The following BRINP3 variants were observed in gnomAD, a reference collection of about 807,000 sequenced individuals.
BRINP3 encodes the protein BMP/retinoic acid inducible neural specific 3, also known as BMP/retinoic acid-inducible neural-specific protein 3.
BRINP3 carries 19 observed loss-of-function variants against 71.0 expected under a neutral mutation model. The ratio of observed to expected loss-of-function variants is 0.27; its 90% CI spans 0.19 to 0.39. BRINP3 has a LOEUF of 0.39. Ranked by LOEUF, BRINP3 falls within the 10% of genes least tolerant of loss-of-function variation. BRINP3 has a pLI of 1.00. For synonymous variants in BRINP3, 380 were observed against 337.7 expected, an observed-to-expected ratio of 1.13 and a Z score of -1.37; for missense variants, 959 against 940.8, an observed-to-expected ratio of 1.02 and a Z score of -0.25.
chr1:190,461,260 C>T (rs574506437), intron 1 of BRINP3, among the ~76,000 whole-genome samples: 6 of 152,274 alleles, frequency 3.9e-5, no homozygotes, highest in Admixed American at 6.5e-5. Context: ...CCATAGACCT[C>T]ATCTTCACCC....
intron 2 of BRINP3, among the ~76,000 whole-genome samples, chr1:190,453,203 ATTTTTTTTTTTT>A (rs1190785225): frequency 3.8e-3 from 155 of 40,906 alleles, no homozygotes; most frequent in East Asian, 0.028. Flanking sequence ...AAACTTTAGT[ATTTTTTTTTTTT>A]TTTTTTTTTT....
intron 6 of BRINP3, among the ~76,000 whole-genome samples, chr1:190,219,477 G>GT (rs1476140463): frequency 6.6e-6 from 1 of 151,970 alleles, no homozygotes; most frequent in Admixed American, 6.6e-5. Flanking sequence ...CAATTCATTA[G>GT]AGGTCTCAAC....
At chr1:190,348,318 G>A (rs1486035161) in intron 2 of BRINP3, among the ~76,000 whole-genome samples, 1 of 152,090 alleles carries the variant, frequency 6.6e-6, no homozygotes, top group Non-Finnish European at 1.5e-5. Flanking sequence ...TCTGCAAATT[G>A]AGTGGAGTGC....
chr1:190,417,391 C>T lies in BRINP3; in HGVS notation c.236+37264G>A, dbSNP rs1195732117. Among the ~76,000 whole-genome samples, 2 of 152,004 alleles carry T rather than the reference C, an allele frequency of 1.3e-5. 1 individual carries two copies. Among genetic ancestry groups the T allele is most frequent in the South Asian group, 4.1e-4 (2 of 4,832 alleles). On this transcript the variant is annotated intron_variant, in intron 2 of 7. Coordinates refer to ENST00000367462, the MANE Select transcript of BRINP3 (RefSeq NM_199051.3). ...TTTACAGTAAATATTTGGCAGAATT[C>T]TTCTTGTATCGATCAATACAATATA... is the stretch of plus-strand genomic sequence containing the variant.
chr1:190,301,178 T>C (rs1312588734), intron 2 of BRINP3, among the ~76,000 whole-genome samples: 4 of 41,460 alleles, frequency 9.6e-5, no homozygotes, highest in African/African-American at 2.3e-4. Context: ...TATATATACA[T>C]ATATATATGT....
At chr1:190,467,922 C>A (rs1235593611) in intron 1 of BRINP3, among the ~76,000 whole-genome samples, 1 of 151,348 alleles carries the variant, frequency 6.6e-6, no homozygotes, top group Non-Finnish European at 1.5e-5. Flanking sequence ...TGAGACATTA[C>A]GATATCTGAC....
At chr1:190,166,290 C>G (rs1340194796) in intron 6 of BRINP3, among the ~76,000 whole-genome samples, 2 of 152,152 alleles carry the variant, frequency 1.3e-5, no homozygotes, top group African/African-American at 4.8e-5. Context: ...TCCTTAGTAG[C>G]TGCCAGAAAT....
intron 5 of BRINP3, among the ~76,000 whole-genome samples, chr1:190,229,012 C>A (rs1369707755): frequency 6.6e-6 from 1 of 151,912 alleles, no homozygotes; most frequent in East Asian, 1.9e-4. Flanking sequence ...GTTTTCAACC[C>A]ACCTTCTCAT....
intron 7 of BRINP3, among the ~76,000 whole-genome samples, chr1:190,124,736 G>A (rs894751577): frequency 6.6e-6 from 1 of 152,182 alleles, no homozygotes; most frequent in African/African-American, 2.4e-5. Context: ...AAGGGGCAGA[G>A]ATGTGCAAAA....
chr1:190,345,084 G>A (rs1189726185), intron 2 of BRINP3, among the ~76,000 whole-genome samples: 5 of 151,946 alleles, frequency 3.3e-5, no homozygotes, highest in African/African-American at 1.2e-4. Context: ...AACCTGCCAA[G>A]TAGTTTAGTC....
At chr1:190,202,967 C>T (rs1655139700) in intron 6 of BRINP3, among the ~76,000 whole-genome samples, 1 of 152,040 alleles carries the variant, frequency 6.6e-6, no homozygotes, top group Non-Finnish European at 1.5e-5. Context: ...AATGCATGAA[C>T]AGATCCCCTA....
intron 6 of BRINP3, among the ~76,000 whole-genome samples, chr1:190,197,530 C>T (rs1187624998): frequency 1.3e-5 from 2 of 152,116 alleles, no homozygotes; most frequent in African/African-American, 4.8e-5. Context: ...ACAGCCATTC[C>T]AAATCGGGGA....
At chr1:190,350,420 G>A (rs1261334836) in intron 2 of BRINP3, among the ~76,000 whole-genome samples, 1 of 151,996 alleles carries the variant, frequency 6.6e-6, no homozygotes, top group African/African-American at 2.4e-5. Context: ...TTGATGCTTG[G>A]AATAATATTA....
Position 190,160,722 on chromosome 1 carries a change from A to T in BRINP3, c.1130T>A (p.Phe377Tyr), listed in dbSNP as rs756882345. ...TTTATGACACCTCTTGCTAAGGCTA[A>T]AAAGCTTGTGTACAATTTTCTGCGC... ...LKAQKIVHKL[F>Y]SLSKRCHKQP... is the part of the protein sequence containing the mutation. The change falls in exon 7 of 8, where the codon TTT (phenylalanine) becomes TAT (tyrosine). Residue 377 changes from phenylalanine (F) to tyrosine (Y), a missense_variant. Coordinates refer to ENST00000367462, the MANE Select transcript of BRINP3 (RefSeq NM_199051.3). 221 of 1,613,470 alleles carry T rather than the reference A, an allele frequency of 1.4e-4. 1 individual carries two copies. Among genetic ancestry groups the T allele is most frequent in the Non-Finnish European group, 1.8e-4 (212 of 1,179,722 alleles).
intron 3 of BRINP3, among the ~76,000 whole-genome samples, chr1:190,276,693 A>G (rs186062777): frequency 6.6e-6 from 1 of 151,502 alleles, no homozygotes; most frequent in East Asian, 2.0e-4. Flanking sequence ...TTGAGGTAGC[A>G]TACATTGTTT....
chr1:190,263,720 C>T (rs957552947), intron 4 of BRINP3, among the ~76,000 whole-genome samples: 6 of 151,548 alleles, frequency 4.0e-5, no homozygotes, highest in Non-Finnish European at 8.8e-5. Context: ...CTCCCAGTAG[C>T]TGGGACTACA....
chr1:190,125,977 C>T (rs560397421), intron 7 of BRINP3, among the ~76,000 whole-genome samples: 25 of 140,662 alleles, frequency 1.8e-4, no homozygotes, highest in African/African-American at 6.4e-4. Flanking sequence ...ACTGTGAATA[C>T]CAGCTATAAA....
At chr1:190,182,994 G>C (rs1459215330) in intron 6 of BRINP3, among the ~76,000 whole-genome samples, 2 of 152,002 alleles carry the variant, frequency 1.3e-5, no homozygotes, top group East Asian at 1.9e-4. Flanking sequence ...TCAAAATTGA[G>C]GGGGGTTTTG....
At chr1:190,250,085 A>C (rs924377088) in intron 4 of BRINP3, among the ~76,000 whole-genome samples, 1 of 151,930 alleles carries the variant, frequency 6.6e-6, no homozygotes, top group African/African-American at 2.4e-5. Context: ...AAAATGTAAA[A>C]GTAATTTAAC....
Sources: gnomAD v4.1 joint callset for allele counts (sites outside exome capture counted in the v4.1 genomes callset) on GRCh38, gnomAD v4.1.1 for gene constraint, MANE v1.5 for transcripts, NCBI Gene and HGNC (gene_info 2026-07-23, HGNC 2026-07-21) for gene names.